TMEFF1: variants seen among roughly 807,000 people sequenced by gnomAD.
TMEFF1 encodes tomoregulin-1.
In TMEFF1, 20 loss-of-function variants were observed where a neutral mutation model predicts 47.5. The ratio of observed to expected loss-of-function variants is 0.42; its 90% confidence interval spans 0.30 to 0.61. The LOEUF is 0.61. Ranked by LOEUF, TMEFF1 falls within the 20% of genes least tolerant of loss-of-function variation. TMEFF1 has a pLI of 0.19. For missense variants in TMEFF1, 411 were observed against 471.1 expected, an observed-to-expected ratio of 0.87 and a Z score of 1.18; for synonymous variants, 162 against 166.3, an observed-to-expected ratio of 0.97 and a Z score of 0.20.
intron 3 of TMEFF1, among the ~76,000 whole-genome samples, chr9:100,511,691 T>C (rs1267064569): frequency 3.9e-5 from 6 of 152,224 alleles, no homozygotes; most frequent in African/African-American, 1.4e-4. Context: ...GCAGAGTTTG[T>C]TTATACCTTG....
chr9:100,574,745 T>C (rs1839315404), intron 9 of TMEFF1, among the ~76,000 whole-genome samples: 1 of 152,144 alleles, frequency 6.6e-6, no homozygotes, highest in Non-Finnish European at 1.5e-5. Flanking sequence ...TTAGAGAAGT[T>C]GGGAAACTGA....
intron 7 of TMEFF1, among the ~76,000 whole-genome samples, chr9:100,558,897 A>G (rs1371016824): frequency 6.6e-6 from 1 of 152,050 alleles, no homozygotes; most frequent in African/African-American, 2.4e-5. Context: ...CCTCAAAACA[A>G]CCCTACAAGA....
intron 5 of TMEFF1, among the ~76,000 whole-genome samples, chr9:100,540,846 A>G (rs1838615238): frequency 6.6e-6 from 1 of 151,918 alleles, no homozygotes; most frequent in African/African-American, 2.4e-5. Flanking sequence ...CTTTTCACAT[A>G]TGTTGTTCTT....
chr9:100,547,236 A>G lies in TMEFF1; in HGVS notation c.561-508A>G, dbSNP rs1271999446. On this transcript the variant is annotated intron_variant, in intron 5 of 9. Coordinates refer to ENST00000374879, the MANE Select transcript of TMEFF1 (RefSeq NM_003692.5). ...TTGCTTTGTTTCCTAGGCTGGTCTC[A>G]AACTCCTGGGCTCAAGTGATTCTCC... Among the ~76,000 whole-genome samples the G allele has an allele frequency of 3.3e-5, 5 of 152,018 alleles. No individual in the cohort carries two copies. The East Asian group carries it at 9.7e-4, about 29-fold the overall frequency.
chr9:100,544,507 C>T (rs528422957), intron 5 of TMEFF1, among the ~76,000 whole-genome samples: 2 of 152,320 alleles, frequency 1.3e-5, no homozygotes, highest in South Asian at 2.1e-4. Context: ...TCACCTCCTA[C>T]CGGGTTCCTC....
intron 5 of TMEFF1, among the ~76,000 whole-genome samples, chr9:100,544,784 G>A (rs1424994686): frequency 6.6e-6 from 1 of 152,248 alleles, no homozygotes. Context: ...TTACTTCCTA[G>A]ATACAAAGGG....
intron 6 of TMEFF1, among the ~76,000 whole-genome samples, chr9:100,549,516 G>A (rs1838795361): frequency 6.6e-6 from 1 of 152,146 alleles, no homozygotes; most frequent in Non-Finnish European, 1.5e-5. Context: ...TTTTGTCTTA[G>A]TCCCCTCTGT....
At chr9:100,474,569 TG>T (rs1837187508) in intron 1 of TMEFF1, among the ~76,000 whole-genome samples, 1 of 151,910 alleles carries the variant, frequency 6.6e-6, no homozygotes, top group South Asian at 2.1e-4. Context: ...GGAGGAGGCT[TG>T]GGAGTCATCA....
chr9:100,506,824 G>A (rs1039816957), intron 2 of TMEFF1, among the ~76,000 whole-genome samples: 2 of 139,926 alleles, frequency 1.4e-5, no homozygotes, highest in Non-Finnish European at 3.1e-5. Context: ...TGTGCTTTTT[G>A]CCTAACTTTG....
At chr9:100,478,168 T>C (rs1309267591) in intron 1 of TMEFF1, among the ~76,000 whole-genome samples, 1 of 152,212 alleles carries the variant, frequency 6.6e-6, no homozygotes, top group Non-Finnish European at 1.5e-5. Context: ...TGGTTTCCTT[T>C]TATCAGATTT....
chr9:100,490,865 G>GTGTA lies in TMEFF1; in HGVS notation c.197-7897_197-7896insATGT, dbSNP rs1554682731. On this transcript the variant is annotated intron_variant, in intron 1 of 9. Transcript: ENST00000374879. ...TGTGTGTGTGTGTGTGTGTGTGTGT[G>GTGTA]TGTGTGTATGTGTGTATGTGTGTAT... 2.8e-3 allele frequency among the ~76,000 whole-genome samples: 417 copies of GTGTA among 148,122 alleles called. 4 individuals carry two copies. Among genetic ancestry groups the GTGTA allele is most frequent in the East Asian group, 7.8e-3 (38 of 4,872 alleles).
chr9:100,491,358 T>A (rs1025646297), intron 1 of TMEFF1, among the ~76,000 whole-genome samples: 14 of 152,178 alleles, frequency 9.2e-5, no homozygotes, highest in African/African-American at 3.4e-4. Context: ...ACTACTAACA[T>A]CTAGACAGTC....
At chr9:100,509,666 C>T (rs889193970) in intron 3 of TMEFF1, among the ~76,000 whole-genome samples, 20 of 151,524 alleles carry the variant, frequency 1.3e-4, no homozygotes, top group African/African-American at 1.9e-4. Flanking sequence ...CCCAGCTACT[C>T]GGGAGGCTGA....
intron 8 of TMEFF1, among the ~76,000 whole-genome samples, chr9:100,566,344 A>G (rs1839124867): frequency 6.6e-6 from 1 of 152,072 alleles, no homozygotes; most frequent in Admixed American, 6.5e-5. Context: ...CCTCCTTTAC[A>G]TTTCCACATG....
At chr9:100,485,109 A>G (rs1042793938) in intron 1 of TMEFF1, among the ~76,000 whole-genome samples, 8 of 152,172 alleles carry the variant, frequency 5.3e-5, no homozygotes, top group Non-Finnish European at 1.0e-4. Context: ...ATGTTGTAGG[A>G]TGTATCAGAA....
Position 100,473,889 on chromosome 9 carries a change from C to A in TMEFF1, c.196+149C>A. The A allele has an allele frequency of 9.7e-7, 1 of 1,032,956 alleles. No individual in the cohort carries two copies. Among genetic ancestry groups the A allele is most frequent in the Non-Finnish European group, 1.3e-6 (1 of 776,434 alleles). 64.0% of individuals were successfully genotyped at this position (1,032,956 alleles called of 1,614,324 possible). The stretch of plus-strand genomic sequence containing the variant: ...GTGAGCGAGGGCGGAGGGCAGGGCG[C>A]GAGCGTGCGGTGTGGCTTTGGGACC... On this transcript the variant is annotated intron_variant, in intron 1 of 9. Transcript: ENST00000374879. This position sits in a 1 kb window ranked among gnomAD's most constrained non-coding sequence, Gnocchi z 5.4.
chr9:100,530,791 A>C (rs367691535), intron 5 of TMEFF1, among the ~76,000 whole-genome samples: 15,591 of 152,038 alleles, frequency 0.1, 995 homozygotes, highest in Middle Eastern at 0.18. Context: ...CAAAAAAGAG[A>C]ATTTTAGACC....
intron 1 of TMEFF1, among the ~76,000 whole-genome samples, chr9:100,478,273 A>G (rs1225185251): frequency 2.0e-5 from 3 of 152,154 alleles, no homozygotes; most frequent in South Asian, 4.2e-4. Context: ...TCCCTAAGCA[A>G]TGGGCCTTTG....
chr9:100,564,712 T>C (rs1390005072), intron 8 of TMEFF1, among the ~76,000 whole-genome samples: 2 of 152,112 alleles, frequency 1.3e-5, no homozygotes, highest in East Asian at 1.9e-4. Context: ...GATTAGAGGA[T>C]TTTAAGTAGC....
Sources: gnomAD v4.1 joint callset for allele counts (sites outside exome capture counted in the v4.1 genomes callset) on GRCh38, gnomAD v4.1.1 for gene constraint, Gnocchi (gnomAD v3.1) non-coding constraint, MANE v1.5 for transcripts, NCBI Gene and HGNC (gene_info 2026-07-23, HGNC 2026-07-21) for gene names.